Variants in STK32C observed in about 807,000 individuals in gnomAD.
STK32C encodes the protein serine/threonine-protein kinase 32C.
A neutral mutation model predicts 56.5 loss-of-function variants in STK32C; 31 were observed. The ratio of observed to expected loss-of-function variants is 0.55; its 90% CI spans 0.41 to 0.74. The LOEUF is 0.74. Ranked by LOEUF, STK32C falls within the 30% of genes least tolerant of loss-of-function variation. STK32C has a pLI of 0.00. For missense variants in STK32C, 544 were observed against 676.9 expected, an observed-to-expected ratio of 0.80 and a Z score of 2.18; for synonymous variants, 309 against 289.4, an observed-to-expected ratio of 1.07 and a Z score of -0.69.
intron 1 of STK32C, among the ~76,000 whole-genome samples, chr10:132,256,510 C>G (rs1264990743): frequency 6.6e-6 from 1 of 152,208 alleles, no homozygotes; most frequent in Non-Finnish European, 1.5e-5. Flanking sequence ...ACCGCCTGAT[C>G]AATACAGTAT....
chr10:132,302,748 C>T (rs866110115), intron 1 of STK32C, among the ~76,000 whole-genome samples: 3 of 152,250 alleles, frequency 2.0e-5, no homozygotes, highest in Non-Finnish European at 4.4e-5. Flanking sequence ...TAAGCTGACG[C>T]TCTGGAAGGA....
In STK32C at chr10:132,331,423, T is replaced by C. The variant is rs778533378; in HGVS notation, c.301+13A>G. On this transcript the variant is annotated intron_variant, in intron 1 of 1. Transcript: ENST00000368619. ...TCTTCCAAATTCTCAAAACCCTTCCTCAGGACACTCACTGCGTTTCCTCGC... is the reference window on the plus strand; with the variant it reads ...TCTTCCAAATTCTCAAAACCCTTCCCCAGGACACTCACTGCGTTTCCTCGC... 1.5e-5 allele frequency: 24 copies of C among 1,604,062 alleles called. No homozygotes were observed. In the Admixed American group the frequency reaches 3.9e-4, roughly 26 times the overall value.
chr10:132,241,900 A>C (rs1011016381), intron 2 of STK32C, among the ~76,000 whole-genome samples: 24 of 152,140 alleles, frequency 1.6e-4, no homozygotes, highest in African/African-American at 5.3e-4. Context: ...TGAGGTCACG[A>C]GTTTGAGACC....
At position 132,294,807 on chromosome 10, in the gene STK32C, CA is replaced by C. The variant is rs141422883; in HGVS notation, c.262+12764del. Among the ~76,000 whole-genome samples, 1,003 of 152,226 alleles carry C rather than the reference CA, an allele frequency of 6.6e-3. 4 individuals carry two copies. The highest frequency in any genetic ancestry group is 0.011 in the Non-Finnish European group (714 of 68,000). On this transcript the variant is annotated intron_variant, in intron 1 of 11. Transcript: ENST00000298630. Reference sequence around the variant, plus strand: ...CCGGGTTCTGTATTCCAGAGCCCTGCAGTGACTTCCGTCCCCTTCCCCGGAA... The same window carrying C: ...CCGGGTTCTGTATTCCAGAGCCCTGCGTGACTTCCGTCCCCTTCCCCGGAA...
At chr10:132,268,136 C>T (rs1472246803) in intron 1 of STK32C, among the ~76,000 whole-genome samples, 6 of 119,356 alleles carry the variant, frequency 5.0e-5, no homozygotes, top group South Asian at 2.8e-4. Flanking sequence ...TGCGTGCATG[C>T]GTCACATTGT....
chr10:132,319,517 G>A (rs1178083440), downstream of STK32C, among the ~76,000 whole-genome samples: 3 of 152,182 alleles, frequency 2.0e-5, no homozygotes, highest in Non-Finnish European at 4.4e-5. Flanking sequence ...AAATACTGAT[G>A]CCTTCTACTA....
At chr10:132,324,892 G>A (rs1483503583) in intron 1 of STK32C, among the ~76,000 whole-genome samples, 1 of 152,224 alleles carries the variant, frequency 6.6e-6, no homozygotes, top group Non-Finnish European at 1.5e-5. Flanking sequence ...GAGAGATGCA[G>A]GAGAGTGACC....
At chr10:132,227,617 G>GTGGTGA (rs60944917) in intron 3 of STK32C, among the ~76,000 whole-genome samples, 45,522 of 151,414 alleles carry the variant, frequency 0.3, 7,202 homozygotes, top group Admixed American at 0.41. Context: ...GGCGATGATG[G>GTGGTGA]TGGTGATGGT....
chr10:132,266,651 G>A (rs538577097), intron 1 of STK32C, among the ~76,000 whole-genome samples: 286 of 152,162 alleles, frequency 1.9e-3, no homozygotes, highest in African/African-American at 4.2e-3. Flanking sequence ...GGACAACCCC[G>A]AGCCCTGGGG....
At chr10:132,220,043 G>A (rs771737502) in intron 10 of STK32C, among the ~76,000 whole-genome samples, 2 of 152,138 alleles carry the variant, frequency 1.3e-5, no homozygotes, top group Non-Finnish European at 2.9e-5. Flanking sequence ...GGTGGTATGG[G>A]CCAAACTGTG....
chr10:132,331,396 C>T (rs1040171528), intron 1 of STK32C: 4 of 1,569,498 alleles, frequency 2.5e-6, no homozygotes, highest in Non-Finnish European at 3.5e-6. Context: ...GTCATTTCAT[C>T]TTCTTCCAAA....
Position 132,245,974 on chromosome 10 carries a change from G to A in STK32C, c.263-19C>T. 6.2e-7 allele frequency: 1 copy of A among 1,613,138 alleles called. No homozygotes were observed. Among genetic ancestry groups the A allele is most frequent in the Non-Finnish European group, 8.5e-7 (1 of 1,179,850 alleles). ...AAGTTCACTGCAGGATAAAACAGAG[G>A]GACACCTGGTGAGGTGGCAGCAAGG... is the stretch of plus-strand genomic sequence containing the variant. On this transcript the variant is annotated intron_variant, in intron 1 of 11. Transcript: ENST00000298630.
chr10:132,293,494 A>G (rs539640746), intron 1 of STK32C, among the ~76,000 whole-genome samples: 3 of 152,338 alleles, frequency 2.0e-5, no homozygotes, highest in Non-Finnish European at 4.4e-5. Flanking sequence ...AGGCGGCAGA[A>G]TGAAGGCCCT....
chr10:132,209,250 A>T (rs1269565080), intron 10 of STK32C, 149 bp from the exon 11 acceptor site: 1 of 751,848 alleles, frequency 1.3e-6, no homozygotes, highest in Admixed American at 2.0e-5. Flanking sequence ...CCGGCCCTCC[A>T]GCAGCCAGAC....
intron 2 of STK32C, 50 bp from the exon 3 acceptor site, chr10:132,228,178 A>T: frequency 1.2e-6 from 2 of 1,612,846 alleles, no homozygotes; most frequent in Non-Finnish European, 1.7e-6. Context: ...GCCTGGGGAC[A>T]CGTGGGGACA....
rs761287732 is a variant in STK32C, at chr10:132,225,224, G to A, written c.876+9C>T. The A allele has an allele frequency of 1.3e-6, 2 of 1,595,468 alleles. No homozygotes were observed. The highest frequency in any genetic ancestry group is 2.3e-5 in the South Asian group (2 of 88,734). Reference sequence around the variant, plus strand: ...GCAGCCAAGCCCAGGGGCTGCAGGGGGTCCATACCCATCCTCGCAGCAGCT... The same window carrying A: ...GCAGCCAAGCCCAGGGGCTGCAGGGAGTCCATACCCATCCTCGCAGCAGCT... On this transcript the variant is annotated intron_variant, in intron 7 of 11. Transcript: ENST00000298630.
intron 1 of STK32C, among the ~76,000 whole-genome samples, chr10:132,313,052 A>T (rs75415590): frequency 0.15 from 22,933 of 152,144 alleles, 2,459 homozygotes; most frequent in African/African-American, 0.3. Context: ...AAAATAAAAT[A>T]AAATTAAATT....
chr10:132,259,070 A>C (rs2064221736), intron 1 of STK32C, among the ~76,000 whole-genome samples: 1 of 126,508 alleles, frequency 7.9e-6, no homozygotes, highest in Admixed American at 7.3e-5. Flanking sequence ...GGGCATGGAC[A>C]GGGCTGTGGC....
At chr10:132,208,977 C>T (rs189477096) in intron 11 of STK32C, 57 bp downstream of exon 11, 2 of 1,560,716 alleles carry the variant, frequency 1.3e-6, no homozygotes, top group East Asian at 4.5e-5. Flanking sequence ...AAACCTTAAC[C>T]TTAGCCCCAT....
Sources: gnomAD v4.1 joint callset for allele counts (sites outside exome capture counted in the v4.1 genomes callset) on GRCh38, gnomAD v4.1.1 for gene constraint, MANE v1.5 for transcripts, NCBI Gene and HGNC (gene_info 2026-07-23, HGNC 2026-07-21) for gene names.